The following FMN2 variants were observed in gnomAD, a reference collection of about 807,000 sequenced individuals.
The protein encoded by FMN2 is formin-2.
In FMN2, 51 loss-of-function variants were observed where a neutral mutation model predicts 142.3. The observed-to-expected ratio is 0.36, with a 90% CI of 0.29 to 0.45. The LOEUF is 0.45. Among genes scored for constraint, FMN2 ranks in the 20% least tolerant of loss-of-function variants. The pLI is 1.00. For synonymous variants in FMN2, 882 were observed against 869.8 expected (o/e 1.01, Z -0.25); for missense variants, 1,936 against 2,122.8 (o/e 0.91, Z 1.73).
rs188314585 is a variant in FMN2, at chr1:240,283,657, C to T, written c.4154-11165C>T. On this transcript the variant is annotated intron_variant, in intron 7 of 17. Transcript: ENST00000319653. ...TAGGCTCTTAAAAATCTTCTTGGAGCGACCAACCACATACTTTTATACAAT... is the reference window on the plus strand; with the variant it reads ...TAGGCTCTTAAAAATCTTCTTGGAGTGACCAACCACATACTTTTATACAAT... Among the ~76,000 whole-genome samples, 120 of 152,226 alleles carry T rather than the reference C, an allele frequency of 7.9e-4. 1 individual carries two copies. The highest frequency in any genetic ancestry group is 2.3e-3 in the African/African-American group (96 of 41,532).
chr1:240,356,590 A>G (rs1217554350), intron 14 of FMN2, among the ~76,000 whole-genome samples: 1 of 152,208 alleles, frequency 6.6e-6, no homozygotes, highest in Non-Finnish European at 1.5e-5. Flanking sequence ...TTATAATTAT[A>G]TCAAAGCATT....
chr1:240,307,103 T>C (rs1321841625), intron 8 of FMN2, among the ~76,000 whole-genome samples: 1 of 152,216 alleles, frequency 6.6e-6, no homozygotes, highest in Non-Finnish European at 1.5e-5. Context: ...TTTCCTTTTT[T>C]CTTGTTGATT....
intron 4 of FMN2, among the ~76,000 whole-genome samples, chr1:240,202,255 C>T (rs1666153768): frequency 6.6e-6 from 1 of 152,094 alleles, no homozygotes. Flanking sequence ...AGATCTTTTT[C>T]TGGTACTGGG....
At chr1:240,138,232 G>A (rs12565137) in intron 2 of FMN2, among the ~76,000 whole-genome samples, 4,651 of 151,874 alleles carry the variant, frequency 0.031, 227 homozygotes, top group African/African-American at 0.1. Context: ...GTGGTCAGTC[G>A]CGTGTTTTAG....
At chr1:240,178,115 G>C (rs1380232604) in intron 3 of FMN2, 47 bp downstream of exon 3, 1 of 1,449,674 alleles carries the variant, frequency 6.9e-7, no homozygotes, top group African/African-American at 1.4e-5. Flanking sequence ...AGGCAAGATA[G>C]AGAGAGAGAA....
At chr1:240,436,670 C>A (rs1675383961) in intron 15 of FMN2, among the ~76,000 whole-genome samples, 1 of 61,364 alleles carries the variant, frequency 1.6e-5, no homozygotes. Flanking sequence ...GTGTGAGACT[C>A]CGTCTCAAAA....
chr1:240,367,655 C>T (rs1274634893), intron 14 of FMN2, among the ~76,000 whole-genome samples: 3 of 150,910 alleles, frequency 2.0e-5, no homozygotes, highest in Non-Finnish European at 4.4e-5. Flanking sequence ...GTAGTCCCAG[C>T]TACTCGGGAG....
chr1:240,180,566 CTTTTTT>C (rs58433196), intron 3 of FMN2, among the ~76,000 whole-genome samples: 23 of 126,196 alleles, frequency 1.8e-4, no homozygotes, highest in Non-Finnish European at 3.3e-4. Context: ...CACATGACCC[CTTTTTT>C]TTTTTTTTTT....
chr1:240,327,239 A>G (rs1671202861), intron 8 of FMN2, among the ~76,000 whole-genome samples: 1 of 152,210 alleles, frequency 6.6e-6, no homozygotes, highest in Non-Finnish European at 1.5e-5. Flanking sequence ...CACATTCCAA[A>G]TGCAAAATTT....
At position 240,325,343 on chromosome 1, in the gene FMN2, CA is replaced by C. The variant is rs5782134; in HGVS notation, c.4216-3716del. On this transcript the variant is annotated intron_variant, in intron 8 of 17. Transcript: ENST00000319653. ...GGGTGACACGGTGAGACCCTGTCTC[CA>C]AAAAAAAAAAAAAAAAGAGAAGGAT... Among the ~76,000 whole-genome samples, 649 of 108,040 alleles carry C rather than the reference CA, an allele frequency of 6.0e-3. 6 individuals are homozygous for C. The highest frequency in any genetic ancestry group is 0.016 in the African/African-American group (465 of 29,390). The allele number at this position is 108,040 out of a possible 152,430, so 70.9% of individuals were successfully genotyped here.
chr1:240,328,013 T>C (rs2103010716), intron 8 of FMN2, among the ~76,000 whole-genome samples: 1 of 151,628 alleles, frequency 6.6e-6, no homozygotes, highest in East Asian at 1.9e-4. Flanking sequence ...CCAGGCGTGG[T>C]GGCAGGTGCC....
chr1:240,206,934 C>T lies in FMN2; in HGVS notation c.2122C>T (p.His708Tyr), dbSNP rs762884139. Residue 708 changes from histidine (H) to tyrosine (Y), a missense_variant, in exon 5 of 18, where the codon CAT becomes TAT. This residue lies in a region of FMN2 where 478 missense variants were observed against 462.8 expected (regional missense o/e 1.03). Coordinates refer to ENST00000319653, the MANE Select transcript of FMN2 (RefSeq NM_020066.5). ...CCTGGACACAGAGGTGGCCAGTGGT[C>T]ATCAAGGGCTTGAGAATGGAGTGAC... ...PALDTEVASG[H>Y]QGLENGVTAS... 2 of 1,614,156 alleles carry T rather than the reference C, an allele frequency of 1.2e-6. No individual in the cohort carries two copies. The highest frequency in any genetic ancestry group is 1.7e-6 in the Non-Finnish European group (2 of 1,180,030).
Position 240,243,646 on chromosome 1 carries a change from C to G in FMN2, c.4066-14299C>G, listed in dbSNP as rs547038495. ...TGCTTTGAAAATATTTTATACTTTA[C>G]CGAATTTGTTTATCTCAAGTTATGG... On this transcript the variant is annotated intron_variant, in intron 6 of 17. Coordinates refer to ENST00000319653, the MANE Select transcript of FMN2 (RefSeq NM_020066.5). Among the ~76,000 whole-genome samples the G allele has an allele frequency of 2.6e-5, 4 of 152,252 alleles. No homozygotes were observed. The South Asian group carries it at 8.3e-4, about 32-fold the overall frequency.
chr1:240,474,298 A>T lies in FMN2; in HGVS notation c.*144A>T. ...AATCTTTTTGTTTTCTAGACAGTTC[A>T]CTAATTGTTGAATTTTACTGTATAT... is the stretch of plus-strand genomic sequence containing the variant. On this transcript the variant is annotated 3_prime_UTR_variant, in exon 18 of 18. Transcript: ENST00000319653. The T allele has an allele frequency of 1.4e-6, 1 of 722,050 alleles. No homozygotes were observed. Among genetic ancestry groups the T allele is most frequent in the Non-Finnish European group, 2.1e-6 (1 of 466,814 alleles). 44.7% of individuals were successfully genotyped at this position (722,050 alleles called of 1,614,324 possible).
rs1276245920 is a variant in FMN2 at position 240,177,977 on chromosome 1, T to C, written c.1839T>C (p.Tyr613=). 1.2e-6 allele frequency: 2 copies of C among 1,612,860 alleles called. No homozygotes were observed. The highest frequency in any genetic ancestry group is 1.7e-6 in the Non-Finnish European group (2 of 1,179,666). ...AVSQPTHSLD[Y]SEGQFPRRVP... ...GTCAACCCACACACTCATTGGACTA[T>C]TCAGAAGGGCAGTTTCCTAGGCGAG... Residue 613 remains tyrosine (Y), a synonymous_variant, in exon 3 of 18, where the codon TAT becomes TAC. Coordinates refer to ENST00000319653, the MANE Select transcript of FMN2 (RefSeq NM_020066.5).
chr1:240,415,530 TAA>T (rs372874071), intron 15 of FMN2, among the ~76,000 whole-genome samples: 23 of 140,784 alleles, frequency 1.6e-4, no homozygotes, highest in African/African-American at 5.3e-4. Context: ...TTAAGTATAA[TAA>T]AAAAAAAAAA....
At chr1:240,181,286 G>A (rs906472732) in intron 3 of FMN2, among the ~76,000 whole-genome samples, 56 of 152,224 alleles carry the variant, frequency 3.7e-4, no homozygotes, top group Admixed American at 3.3e-4. Flanking sequence ...TTACAGGCGT[G>A]AGCCACTGCA....
chr1:240,241,017 A>G (rs2102867597), intron 6 of FMN2, among the ~76,000 whole-genome samples: 1 of 152,292 alleles, frequency 6.6e-6, no homozygotes, highest in Non-Finnish European at 1.5e-5. Context: ...GAGACTTAGG[A>G]TAGTTGGTTT....
intron 15 of FMN2, among the ~76,000 whole-genome samples, chr1:240,412,091 G>A (rs1192544108): frequency 6.6e-6 from 1 of 152,150 alleles, no homozygotes. Context: ...GCTGCTAGTG[G>A]AAAAGGATCA....
Sources: gnomAD v4.1 joint callset for allele counts (sites outside exome capture counted in the v4.1 genomes callset) on GRCh38, gnomAD v4.1.1 for gene constraint, gnomAD v4.1.1 regional missense constraint, MANE v1.5 for transcripts, NCBI Gene and HGNC (gene_info 2026-07-23, HGNC 2026-07-21) for gene names.